TSEN2: variants seen among roughly 807,000 people sequenced by gnomAD.
TSEN2 encodes the protein tRNA-splicing endonuclease subunit Sen2.
TSEN2 carries 54 observed loss-of-function variants against 59.2 expected under a neutral mutation model. That is an observed-to-expected ratio of 0.91 (90% CI 0.73 to 1.14). The LOEUF is 1.14. Among genes scored for constraint, TSEN2 ranks in the 50% most tolerant of loss-of-function variants. The pLI, the probability that TSEN2 is intolerant of heterozygous loss-of-function variation, is 0.00. For missense variants in TSEN2, 636 were observed against 576.2 expected (o/e 1.10, Z -1.06); for synonymous variants, 195 against 198.2 (o/e 0.98, Z 0.14).
At position 12,518,919 on chromosome 3, in the gene TSEN2, T is replaced by C; in HGVS notation, c.961-140T>C. ...GCGAGACTCTGTCTCAAAAATAAAA[T>C]AAATAAATTGCTCTGCTGGGGGAAC... On this transcript the variant is annotated intron_variant, in intron 7 of 11. Coordinates refer to ENST00000284995, the MANE Select transcript of TSEN2 (RefSeq NM_025265.4). 9.7e-6 allele frequency: 8 copies of C among 828,850 alleles called. No individual in the cohort carries two copies. In the South Asian group the frequency reaches 1.2e-4, roughly 13 times the overall value. 51.3% of individuals were successfully genotyped at this position (828,850 alleles called of 1,614,324 possible). A position where few individuals can be genotyped will look rare whatever the true frequency, so the allele number is the denominator to read the frequency against.
chr3:12,508,223 T>G (rs2055047545), intron 6 of TSEN2, among the ~76,000 whole-genome samples: 1 of 152,166 alleles, frequency 6.6e-6, no homozygotes, highest in Non-Finnish European at 1.5e-5. Flanking sequence ...TTGACAAATT[T>G]TTTAAAGGCT....
At chr3:12,518,917 A>G (rs2056386943) in intron 7 of TSEN2, 142 bp from the exon 8 acceptor site, 3 of 822,800 alleles carry the variant, frequency 3.6e-6, no homozygotes, top group Non-Finnish European at 5.8e-6. Flanking sequence ...TCAAAAATAA[A>G]ATAAATAAAT....
chr3:12,506,212 A>G lies in TSEN2; in HGVS notation c.909+981A>G, dbSNP rs973393961. Reference sequence around the variant, plus strand: ...TACTTTTCATATACTGTGCTACATGATTCAGATCATGTAGTGACTGCTAGT... The same window carrying G: ...TACTTTTCATATACTGTGCTACATGGTTCAGATCATGTAGTGACTGCTAGT... On this transcript the variant is annotated intron_variant, in intron 6 of 11. Coordinates refer to ENST00000284995, the MANE Select transcript of TSEN2 (RefSeq NM_025265.4). Among the ~76,000 whole-genome samples the G allele has an allele frequency of 6.6e-5, 10 of 151,092 alleles. No homozygotes were observed. In the South Asian group the frequency reaches 1.2e-3, roughly 19 times the overall value.
Position 12,516,679 on chromosome 3 carries a change from C to T in TSEN2, c.960+18C>T. 6.2e-7 allele frequency: 1 copy of T among 1,611,800 alleles called. No individual in the cohort carries two copies. Among genetic ancestry groups the T allele is most frequent in the Non-Finnish European group, 8.5e-7 (1 of 1,178,036 alleles). The stretch of plus-strand genomic sequence containing the variant: ...ATGAGAAGGTAAGATGCTTTGTTTA[C>T]ATACAACCCACTTAAAATTTCCCTG... On this transcript the variant is annotated intron_variant, in intron 7 of 11. Coordinates refer to ENST00000284995, the MANE Select transcript of TSEN2 (RefSeq NM_025265.4).
In TSEN2 at chr3:12,532,807, A is replaced by G; in HGVS notation, c.*86A>G. 2 of 1,342,182 alleles carry G rather than the reference A, an allele frequency of 1.5e-6. No individual in the cohort carries two copies. Among genetic ancestry groups the G allele is most frequent in the Non-Finnish European group, 2.1e-6 (2 of 938,760 alleles). The allele number at this position is 1,342,182 out of a possible 1,614,324, so 83.1% of individuals were successfully genotyped here. A position where few individuals can be genotyped will look rare whatever the true frequency, so the allele number is the denominator to read the frequency against. On this transcript the variant is annotated 3_prime_UTR_variant, in exon 12 of 12. Transcript: ENST00000284995. ...TTCTTTTTGTTGTAATCGTCCATTA[A>G]TTCATAAGTTTTAAAGGGCATGGTG... is the stretch of plus-strand genomic sequence containing the variant.
At position 12,503,557 on chromosome 3, in the gene TSEN2, A is replaced by G; in HGVS notation, c.604A>G (p.Thr202Ala). Residue 202 changes from threonine to alanine, a missense_variant, in exon 5 of 12, where the codon ACA becomes GCA. Thr to Ala is a moderately conservative substitution (Grantham distance 58). Transcript: ENST00000284995. ...CLQEGSGCHP[T>A]TESFEKSVRE... Reference sequence around the variant, plus strand: ...GCAGGAGGGCTCTGGCTGCCACCCAACAACAGAGAGCTTTGAGAAAAGCGT... The same window carrying G: ...GCAGGAGGGCTCTGGCTGCCACCCAGCAACAGAGAGCTTTGAGAAAAGCGT... 6.2e-7 allele frequency: 1 copy of G among 1,610,250 alleles called. No homozygotes were observed. The highest frequency in any genetic ancestry group is 8.5e-7 in the Non-Finnish European group (1 of 1,177,108).
chr3:12,483,261 A>AG (rs1286581393), upstream of TSEN2, among the ~76,000 whole-genome samples: 11 of 152,172 alleles, frequency 7.2e-5, no homozygotes, highest in Non-Finnish European at 1.6e-4. Flanking sequence ...CTGTAATCCG[A>AG]GCTACTCGGG....
intron 11 of TSEN2, 92 bp from the exon 12 acceptor site, chr3:12,532,570 C>A: frequency 7.9e-7 from 1 of 1,272,228 alleles, no homozygotes. Flanking sequence ...ATAGACCGCC[C>A]TTTGTGAAAT....
At position 12,516,635 on chromosome 3, in the gene TSEN2, G is replaced by A. The variant is rs886037739; in HGVS notation, c.934G>A (p.Gly312Arg). The change falls in exon 7 of 12, where the codon GGA (glycine) becomes AGA (arginine). Residue 312 changes from glycine (G) to arginine (R), a missense_variant. By Grantham distance (125) the Gly-to-Arg change is moderately radical (BLOSUM62 -2). Coordinates refer to ENST00000284995, the MANE Select transcript of TSEN2 (RefSeq NM_025265.4). The part of the protein sequence containing the change: ...EEAFFLVYAL[G>R]CLSIYYEKEP... ...GGCCTTTTTCTTGGTCTATGCTCTG[G>A]GATGTTTAAGTATTTACTATGAGAA... The A allele has an allele frequency of 3.7e-6, 6 of 1,613,836 alleles. No homozygotes were observed. The highest frequency in any genetic ancestry group is 5.1e-6 in the Non-Finnish European group (6 of 1,179,996).
chr3:12,516,481 T>TGTGA, intron 6 of TSEN2, 130 bp from the exon 7 acceptor site: 1 of 696,868 alleles, frequency 1.4e-6, no homozygotes, highest in South Asian at 1.5e-5. Flanking sequence ...TGTGTGTGTG[T>TGTGA]GTGTGTGACC....
rs1376604313 is a variant in TSEN2, at chr3:12,533,617, GC to G, written c.*898del. The G allele has an allele frequency of 7.3e-6, 1 of 137,050 alleles. No individual in the cohort carries two copies. The highest frequency in any genetic ancestry group is 1.5e-5 in the Non-Finnish European group (1 of 65,816). 8.5% of individuals were successfully genotyped at this position (137,050 alleles called of 1,614,324 possible). A position where few individuals can be genotyped will look rare whatever the true frequency, so the allele number is the denominator to read the frequency against. ...AGAGGTTGCAGTGAGCGGAGATTGT[GC>G]CACTGCAATCCAGCCTGAGCAATAG... On this transcript the variant is annotated 3_prime_UTR_variant, in exon 12 of 12. Coordinates refer to ENST00000284995, the MANE Select transcript of TSEN2 (RefSeq NM_025265.4).
chr3:12,510,397 CT>C (rs2055311701), intron 6 of TSEN2, among the ~76,000 whole-genome samples: 1 of 152,188 alleles, frequency 6.6e-6, no homozygotes, highest in South Asian at 2.1e-4. Context: ...GGCTGCCTTA[CT>C]GGTACTTCTG....
At chr3:12,501,186 C>T (rs1432121311) in intron 4 of TSEN2, among the ~76,000 whole-genome samples, 5 of 152,180 alleles carry the variant, frequency 3.3e-5, no homozygotes, top group South Asian at 4.1e-4. Context: ...GGTTGTGGCA[C>T]AGCTATGTTC....
chr3:12,488,853 TC>T (rs1162010548), intron 1 of TSEN2, among the ~76,000 whole-genome samples: 2 of 152,302 alleles, frequency 1.3e-5, no homozygotes, highest in Admixed American at 1.3e-4. Context: ...GCTTGGGAGT[TC>T]AACAGACCTG....
At chr3:12,483,941 G>A (rs1486318436), upstream of TSEN2, among the ~76,000 whole-genome samples, 1 of 152,220 alleles carries the variant, frequency 6.6e-6, no homozygotes, top group Non-Finnish European at 1.5e-5. Context: ...GGGATGCAGA[G>A]CAGGTGGACC....
chr3:12,529,920 A>G (rs2057352146), intron 10 of TSEN2, 47 bp downstream of exon 10: 13 of 1,569,086 alleles, frequency 8.3e-6, no homozygotes, highest in Admixed American at 2.0e-5. Flanking sequence ...TAAATGGTTC[A>G]GTTTTTTTTT....
At chr3:12,531,240 G>A (rs1367887889) in intron 10 of TSEN2, 16 of 287,528 alleles carry the variant, frequency 5.6e-5, no homozygotes, top group Admixed American at 5.2e-4. Context: ...CAGCCAAACC[G>A]TATCAACATC....
At chr3:12,486,406 AT>A (rs1473769608) in intron 1 of TSEN2, among the ~76,000 whole-genome samples, 1 of 152,144 alleles carries the variant, frequency 6.6e-6, no homozygotes, top group Non-Finnish European at 1.5e-5. Flanking sequence ...GTCCTCTTGA[AT>A]TTTTCCCCCT....
At position 12,516,690 on chromosome 3, in the gene TSEN2, C is replaced by T. The variant is rs1301591443; in HGVS notation, c.960+29C>T. ...AGATGCTTTGTTTACATACAACCCACTTAAAATTTCCCTGTTGTTAAAAGC... is the reference window on the plus strand; with the variant it reads ...AGATGCTTTGTTTACATACAACCCATTTAAAATTTCCCTGTTGTTAAAAGC... On this transcript the variant is annotated intron_variant, in intron 7 of 11. Transcript: ENST00000284995. The T allele has an allele frequency of 8.7e-6, 14 of 1,605,250 alleles. No individual in the cohort carries two copies. In the Admixed American group the frequency reaches 1.3e-4, roughly 15 times the overall value.
Sources: allele counts gnomAD v4.1 joint callset (sites outside exome capture counted in the v4.1 genomes callset), GRCh38; gene constraint gnomAD v4.1.1; transcripts MANE v1.5; gene names NCBI Gene and HGNC (gene_info 2026-07-23, HGNC 2026-07-21).